Variants in ATP10B observed in about 807,000 individuals in gnomAD.
The protein encoded by ATP10B is phospholipid-transporting ATPase VB.
ATP10B carries 122 observed loss-of-function variants against 141.2 expected under a neutral mutation model. The ratio of observed to expected loss-of-function variants is 0.86; its 90% CI spans 0.75 to 1.00. The LOEUF is 1.00. ATP10B is among the 50% of genes least tolerant of loss of function. The pLI, the probability that ATP10B is intolerant of heterozygous loss-of-function variation, is 0.00. For synonymous variants in ATP10B, 685 were observed against 692.0 expected (o/e 0.99, Z 0.16); for missense variants, 1,876 against 1,825.3 (o/e 1.03, Z -0.51).
At chr5:160,676,438 G>A (rs538075506) in intron 6 of ATP10B, among the ~76,000 whole-genome samples, 5 of 152,244 alleles carry the variant, frequency 3.3e-5, no homozygotes, top group South Asian at 4.1e-4. Flanking sequence ...TGGACATGAC[G>A]GTGCACATCT....
intron 7 of ATP10B, among the ~76,000 whole-genome samples, chr5:160,658,066 G>A (rs1761631554): frequency 6.6e-6 from 1 of 152,186 alleles, no homozygotes; most frequent in Non-Finnish European, 1.5e-5. Flanking sequence ...AAAGAAGAAA[G>A]CATGAGTTTC....
intron 1 of ATP10B, among the ~76,000 whole-genome samples, chr5:160,793,349 T>C (rs565824385): frequency 6.6e-6 from 1 of 152,306 alleles, no homozygotes; most frequent in South Asian, 2.1e-4. Flanking sequence ...TACAATCGAA[T>C]AGCACTTAAT....
At chr5:160,692,714 C>A (rs1171181406) in intron 3 of ATP10B, 3 of 152,216 alleles carry the variant, frequency 2.0e-5, no homozygotes, top group Non-Finnish European at 4.4e-5. Flanking sequence ...ACAGTTTCTT[C>A]ATCTGTCTGT....
the ATP10B span, among the ~76,000 whole-genome samples, chr5:160,861,207 C>T: frequency 6.6e-6 from 1 of 151,526 alleles, no homozygotes; most frequent in Non-Finnish European, 1.5e-5. Flanking sequence ...TTAATTTTTC[C>T]AGTTAATCAA....
intron 1 of ATP10B, among the ~76,000 whole-genome samples, chr5:160,791,824 A>G (rs1581539490): frequency 6.6e-6 from 1 of 152,278 alleles, no homozygotes; most frequent in South Asian, 2.1e-4. Context: ...TCTTATCACT[A>G]AGGAAATAAG....
At chr5:160,767,635 A>AC (rs531198402) in intron 2 of ATP10B, among the ~76,000 whole-genome samples, 1,920 of 86,676 alleles carry the variant, frequency 0.022, 146 homozygotes, top group African/African-American at 0.047. Flanking sequence ...TGTGTGCAGA[A>AC]CCCCCCCCCC....
chr5:160,589,531 T>G (rs1344557314), intron 24 of ATP10B, 61 bp downstream of exon 24: 2 of 1,289,872 alleles, frequency 1.6e-6, no homozygotes, highest in East Asian at 2.3e-5. Flanking sequence ...ATTCAGAAAT[T>G]TGAGTATAGT....
chr5:160,632,964 A>G (rs1389277304), intron 12 of ATP10B: 1 of 152,262 alleles, frequency 6.6e-6, no homozygotes, highest in Non-Finnish European at 1.5e-5. Context: ...AACATATGAA[A>G]AAAAGCTCAT....
chr5:160,766,337 A>C (rs13175102), intron 2 of ATP10B, among the ~76,000 whole-genome samples: 6 of 140,296 alleles, frequency 4.3e-5, no homozygotes, highest in Non-Finnish European at 7.7e-5. Flanking sequence ...GGATAAAGAG[A>C]ACACACACAC....
chr5:160,707,107 C>T (rs10064571), intron 3 of ATP10B, among the ~76,000 whole-genome samples: 69 of 152,120 alleles, frequency 4.5e-4, no homozygotes, highest in African/African-American at 1.5e-3. Flanking sequence ...CCTGCCACCA[C>T]GCCTCGCTAA....
chr5:160,638,296 T>C (rs138062533), intron 10 of ATP10B, among the ~76,000 whole-genome samples: 1 of 152,170 alleles, frequency 6.6e-6, no homozygotes, highest in African/African-American at 2.4e-5. Context: ...AGATTCTGGT[T>C]TCCCTGTGCC....
intron 6 of ATP10B, among the ~76,000 whole-genome samples, chr5:160,677,789 G>A (rs901449522): frequency 6.6e-6 from 1 of 152,228 alleles, no homozygotes; most frequent in African/African-American, 2.4e-5. Context: ...ATAGGCTTAT[G>A]ACTGTATTTT....
chr5:160,685,371 G>C (rs886846292), intron 6 of ATP10B: 4 of 558,990 alleles, frequency 7.2e-6, no homozygotes, highest in South Asian at 2.5e-5. Context: ...GACAAGGAAA[G>C]AGCCTGCAGA....
rs775822343 is a variant in ATP10B at position 160,634,431 on chromosome 5, G to A, written c.1304C>T (p.Thr435Met). Reference sequence around the variant, plus strand: ...CATCTTGTTCTCTGTCAGGGTCCCCGTCTTATCGGAGAAGATGTACTGGAT... The same window carrying A: ...CATCTTGTTCTCTGTCAGGGTCCCCATCTTATCGGAGAAGATGTACTGGAT... ...GQIQYIFSDK[T>M]GTLTENKMVF... The change falls in exon 12 of 26, where the codon ACG (threonine) becomes ATG (methionine). Residue 435 changes from threonine to methionine, a missense_variant. Coordinates refer to ENST00000327245, the MANE Select transcript of ATP10B (RefSeq NM_025153.3). 31 of 1,614,036 alleles carry A rather than the reference G, an allele frequency of 1.9e-5. No individual in the cohort carries two copies. Among genetic ancestry groups the A allele is most frequent in the Non-Finnish European group, 2.6e-5 (31 of 1,180,032 alleles).
At chr5:160,704,800 T>C (rs1280325493) in intron 3 of ATP10B, among the ~76,000 whole-genome samples, 1 of 152,122 alleles carries the variant, frequency 6.6e-6, no homozygotes, top group Non-Finnish European at 1.5e-5. Context: ...CCACAGCTTC[T>C]ACATCAGCAC....
intron 1 of ATP10B, among the ~76,000 whole-genome samples, chr5:160,811,166 C>G (rs1464458481): frequency 6.6e-6 from 1 of 152,058 alleles, no homozygotes; most frequent in Non-Finnish European, 1.5e-5. Flanking sequence ...CATGAATAAC[C>G]AGTAGCAATA....
the ATP10B span, among the ~76,000 whole-genome samples, chr5:160,910,788 C>A: frequency 1.3e-5 from 2 of 152,114 alleles, no homozygotes; most frequent in African/African-American, 4.8e-5. Context: ...GACTCAGAAT[C>A]AAGAAAATTT....
chr5:160,653,264 T>C (rs1186499965), intron 7 of ATP10B, among the ~76,000 whole-genome samples: 2 of 133,180 alleles, frequency 1.5e-5, no homozygotes, highest in Non-Finnish European at 3.1e-5. Flanking sequence ...TATATATACA[T>C]ACGTACATAC....
intron 1 of ATP10B, among the ~76,000 whole-genome samples, chr5:160,799,134 G>A (rs1772173316): frequency 6.6e-6 from 1 of 151,638 alleles, no homozygotes; most frequent in Non-Finnish European, 1.5e-5. Flanking sequence ...TTTTTTTCAG[G>A]TTTGTGTTTT....
Sources: allele counts gnomAD v4.1 joint callset (sites outside exome capture counted in the v4.1 genomes callset), GRCh38; gene constraint gnomAD v4.1.1; transcripts MANE v1.5; gene names NCBI Gene and HGNC (gene_info 2026-07-23, HGNC 2026-07-21).